Variants in EZR observed in about 807,000 individuals in gnomAD.
EZR encodes the protein cytovillin 2.
EZR carries 40 observed loss-of-function variants against 74.8 expected under a neutral mutation model. The ratio of observed to expected loss-of-function variants is 0.53; its 90% CI spans 0.42 to 0.70. The LOEUF (loss-of-function observed/expected upper bound fraction) is 0.70. Among genes scored for constraint, EZR ranks in the 30% least tolerant of loss-of-function variants. The pLI, the probability that EZR is intolerant of heterozygous loss-of-function variation, is 0.00. For missense variants in EZR, 678 were observed against 755.8 expected (o/e 0.90, Z 1.21); for synonymous variants, 341 against 283.3 (o/e 1.20, Z -2.05).
chr6:158,806,432 T>A (rs960397656), intron 2 of EZR, among the ~76,000 whole-genome samples: 13 of 151,880 alleles, frequency 8.6e-5, no homozygotes, highest in African/African-American at 1.9e-4. Context: ...TCCTCCACAC[T>A]CTCTTTTCAG....
chr6:158,803,664 TATAAA>T (rs1777267334), intron 2 of EZR, among the ~76,000 whole-genome samples: 1 of 121,656 alleles, frequency 8.2e-6, no homozygotes, highest in Non-Finnish European at 1.7e-5. Flanking sequence ...CATATATATA[TATAAA>T]ATATACAGAG....
In EZR at chr6:158,766,842, A is replaced by C; in HGVS notation, c.*72T>G. ...AGGGAGTTCCTAGACTTGGAGCACT[A>C]AAGACACAAGCGTGGCGGGGCTGGC... On this transcript the variant is annotated 3_prime_UTR_variant, in exon 14 of 14. Transcript: ENST00000367075. 1 of 1,173,148 alleles carries C rather than the reference A, an allele frequency of 8.5e-7. No homozygotes were observed. The highest frequency in any genetic ancestry group is 1.2e-6 in the Non-Finnish European group (1 of 807,962). 72.7% of individuals were successfully genotyped at this position (1,173,148 alleles called of 1,614,324 possible). A position where few individuals can be genotyped will look rare whatever the true frequency, so the allele number is the denominator to read the frequency against.
intron 8 of EZR, among the ~76,000 whole-genome samples, chr6:158,775,604 T>C (rs1791252446): frequency 1.3e-5 from 2 of 152,220 alleles, no homozygotes; most frequent in Admixed American, 6.5e-5. Flanking sequence ...TCCTTTCCAA[T>C]CTATAATTTT....
At chr6:158,788,218 T>G (rs1791635301) in intron 3 of EZR, 1 of 152,174 alleles carries the variant, frequency 6.6e-6, no homozygotes, top group African/African-American at 2.4e-5. Flanking sequence ...CCAAATTAAC[T>G]CCTGATCTGG....
In EZR at chr6:158,789,462, G is replaced by A. The variant is rs377032369; in HGVS notation, c.13-91C>T. The A allele has an allele frequency of 5.8e-5, 67 of 1,158,314 alleles. No individual in the cohort carries two copies. The African/African-American group carries it at 8.6e-4, about 15-fold the overall frequency. 71.8% of individuals were successfully genotyped at this position (1,158,314 alleles called of 1,614,324 possible). ...CCTTCTACATAAGCTGCTCCTCAGTGTGGCGACGGCATATGCCTGACATCA... is the reference window on the plus strand; with the variant it reads ...CCTTCTACATAAGCTGCTCCTCAGTATGGCGACGGCATATGCCTGACATCA... On this transcript the variant is annotated intron_variant, in intron 2 of 13. Transcript: ENST00000367075.
intron 3 of EZR, 83 bp downstream of exon 3, chr6:158,789,205 A>AT: frequency 9.9e-7 from 1 of 1,006,310 alleles, no homozygotes; most frequent in South Asian, 1.5e-5. Flanking sequence ...ACAAGGTAAT[A>AT]TGCTTCGCAA....
At chr6:158,783,408 A>C in intron 7 of EZR, 112 bp downstream of exon 7, 1 of 712,334 alleles carries the variant, frequency 1.4e-6, no homozygotes, top group Non-Finnish European at 2.2e-6. Flanking sequence ...CTACTTTGGG[A>C]TAGTAAGTTG....
Position 158,770,764 on chromosome 6 carries a change from C to T in EZR, c.1090G>A (p.Glu364Lys), listed in dbSNP as rs2128566005. 2 of 1,614,116 alleles carry T rather than the reference C, an allele frequency of 1.2e-6. No homozygotes were observed. Among genetic ancestry groups the T allele is most frequent in the Non-Finnish European group, 1.7e-6 (2 of 1,180,010 alleles). The change falls in exon 10 of 14, where the codon GAG becomes AAG. Residue 364 changes from glutamate (E) to lysine (K), a missense_variant and splice_region_variant. This residue lies in a region of EZR where 342 missense variants were observed against 341.2 expected (regional missense o/e 1.00). Coordinates refer to ENST00000367075, the MANE Select transcript of EZR (RefSeq NM_001111077.2). ...GAGTGCCAGCCCCAGGGCGCCTGACCTCTCTCTGCCTTCTTTGTCTTCTCC... is the reference window on the plus strand; with the variant it reads ...GAGTGCCAGCCCCAGGGCGCCTGACTTCTCTCTGCCTTCTTTGTCTTCTCC... ...YEEKTKKAER[E>K]LSEQIQRALQ...
Position 158,766,803 on chromosome 6 carries a change from G to A in EZR, c.*111C>T, listed in dbSNP as rs1790881985. 9.1e-7 allele frequency: 1 copy of A among 1,099,454 alleles called. No homozygotes were observed. Among genetic ancestry groups the A allele is most frequent in the Non-Finnish European group, 1.3e-6 (1 of 758,356 alleles). The allele number at this position is 1,099,454 out of a possible 1,614,324, so 68.1% of individuals were successfully genotyped here. A position where few individuals can be genotyped will look rare whatever the true frequency, so the allele number is the denominator to read the frequency against. On this transcript the variant is annotated 3_prime_UTR_variant, in exon 14 of 14. Coordinates refer to ENST00000367075, the MANE Select transcript of EZR (RefSeq NM_001111077.2). Reference sequence around the variant, plus strand: ...TTCTGTTGGGTAACTGCTTTCTAAAGGAACTGGGATCTGAGGGAGTTCCTA... The same window carrying A: ...TTCTGTTGGGTAACTGCTTTCTAAAAGAACTGGGATCTGAGGGAGTTCCTA...
In EZR at chr6:158,805,033, G is replaced by A. The variant is rs539315062; in HGVS notation, c.12+13049C>T. ...GCGGTGTTTGGTTTTTTGTTCTTGC[G>A]ATAGTTTACTGAGAATGATGATTTC... On this transcript the variant is annotated intron_variant, in intron 2 of 13. Coordinates refer to ENST00000367075, the MANE Select transcript of EZR (RefSeq NM_001111077.2). Among the ~76,000 whole-genome samples the A allele has an allele frequency of 1.6e-3, 248 of 150,930 alleles. 1 individual carries two copies. The highest frequency in any genetic ancestry group is 5.5e-3 in the African/African-American group (225 of 41,036).
chr6:158,806,487 T>C (rs1431187966), intron 2 of EZR, among the ~76,000 whole-genome samples: 1 of 151,884 alleles, frequency 6.6e-6, no homozygotes, highest in East Asian at 1.9e-4. Flanking sequence ...TCACTTTTTT[T>C]TTTTTTTGCT....
At chr6:158,802,477 C>CT (rs1380792119) in intron 2 of EZR, among the ~76,000 whole-genome samples, 2 of 152,190 alleles carry the variant, frequency 1.3e-5, no homozygotes, top group Non-Finnish European at 2.9e-5. Flanking sequence ...TTTAGTTCTT[C>CT]TGGAATATTT....
rs200919889 is a variant in EZR at position 158,766,907 on chromosome 6, C to T, written c.*7G>A. On this transcript the variant is annotated 3_prime_UTR_variant, in exon 14 of 14. Coordinates refer to ENST00000367075, the MANE Select transcript of EZR (RefSeq NM_001111077.2). ...GCACCCCTCTGCCCTTGGTCCTGGC[C>T]TGGCTGTTACAGGGCCTCGAACTCG... 6.2e-7 allele frequency: 1 copy of T among 1,613,794 alleles called. No individual in the cohort carries two copies. Among genetic ancestry groups the T allele is most frequent in the Non-Finnish European group, 8.5e-7 (1 of 1,179,800 alleles).
chr6:158,767,195 C>T, intron 13 of EZR, 66 bp downstream of exon 13: 1 of 1,579,904 alleles, frequency 6.3e-7, no homozygotes, highest in South Asian at 1.2e-5. Flanking sequence ...CATCACTGCC[C>T]TCCCCAAGCC....
At chr6:158,780,702 C>T (rs1380614095) in intron 7 of EZR, among the ~76,000 whole-genome samples, 2 of 152,182 alleles carry the variant, frequency 1.3e-5, no homozygotes, top group African/African-American at 4.8e-5. Context: ...AGAAAAAGTG[C>T]TTTTACAGGA....
At chr6:158,770,734 G>A (rs1337064138) in intron 10 of EZR, 30 bp downstream of exon 10, 2 of 1,613,954 alleles carry the variant, frequency 1.2e-6, no homozygotes, top group Non-Finnish European at 1.7e-6. Context: ...GCATGACCCA[G>A]TGTAGAGTGC....
At chr6:158,813,146 A>G (rs3123135) in intron 2 of EZR, among the ~76,000 whole-genome samples, 17,133 of 152,210 alleles carry the variant, frequency 0.11, 998 homozygotes, top group Middle Eastern at 0.15. Context: ...CTCTCTAGCC[A>G]CATTGGGCTT....
At chr6:158,791,661 C>G (rs949937035) in intron 2 of EZR, among the ~76,000 whole-genome samples, 9 of 145,172 alleles carry the variant, frequency 6.2e-5, no homozygotes, top group African/African-American at 2.3e-4. Context: ...CTGGTTAGGA[C>G]AAAGACAAAT....
intron 7 of EZR, among the ~76,000 whole-genome samples, chr6:158,777,348 C>G (rs3123106): frequency 0.52 from 79,332 of 152,154 alleles, 21,645 homozygotes; most frequent in Non-Finnish European, 0.61. Context: ...TCAAACTAAC[C>G]GCCCTAATGA....
Sources: gnomAD v4.1 joint callset for allele counts (sites outside exome capture counted in the v4.1 genomes callset) on GRCh38, gnomAD v4.1.1 for gene constraint, gnomAD v4.1.1 regional missense constraint, MANE v1.5 for transcripts, NCBI Gene and HGNC (gene_info 2026-07-23, HGNC 2026-07-21) for gene names.